Variants in SETD2 observed in about 807,000 individuals in gnomAD.
The protein encoded by SETD2 is SET domain containing 2, histone lysine methyltransferase.
A neutral mutation model predicts 242.1 loss-of-function variants in SETD2; 31 were observed. The ratio of observed to expected loss-of-function variants is 0.13; its 90% CI spans 0.10 to 0.17. The LOEUF is 0.17. SETD2 is among the 10% of genes least tolerant of loss of function. The pLI is 1.00. For missense variants in SETD2, 2,481 were observed against 3,046.3 expected (o/e 0.81, Z 4.37); for synonymous variants, 1,006 against 1,066.5 (o/e 0.94, Z 1.11).
At chr3:47,066,984 A>G (rs113283441) in intron 13 of SETD2, 86 bp downstream of exon 13, 2 of 977,436 alleles carry the variant, frequency 2.0e-6, no homozygotes. Context: ...CAAAAACAAA[A>G]ACGCTTAAGT....
chr3:47,101,597 AGT>A lies in SETD2; in HGVS notation c.4918-44_4918-43del, dbSNP rs61571386. ...AAACAAAAGAAATTAGTAACTTATT[AGT>A]GTGTGTGTGTGTGTGTGTGTGTGTG... On this transcript the variant is annotated intron_variant, in intron 7 of 20. Coordinates refer to ENST00000409792, the MANE Select transcript of SETD2 (RefSeq NM_014159.7). 103,010 of 720,254 alleles carry A rather than the reference AGT, an allele frequency of 0.14. 1,790 individuals are homozygous for A. Among genetic ancestry groups the A allele is most frequent in the African/African-American group, 0.17 (9,085 of 52,104 alleles). 44.6% of individuals were successfully genotyped at this position (720,254 alleles called of 1,614,324 possible). A position where few individuals can be genotyped will look rare whatever the true frequency, so the allele number is the denominator to read the frequency against.
At chr3:47,088,844 A>T (rs1419566190) in intron 9 of SETD2, among the ~76,000 whole-genome samples, 2 of 152,236 alleles carry the variant, frequency 1.3e-5, no homozygotes, top group Admixed American at 1.3e-4. Context: ...AATAAACTGT[A>T]GAGAAATTCT....
At chr3:47,072,594 G>T (rs898720590) in intron 12 of SETD2, among the ~76,000 whole-genome samples, 2 of 152,050 alleles carry the variant, frequency 1.3e-5, no homozygotes, top group African/African-American at 4.8e-5. Flanking sequence ...GCCAAGGCAG[G>T]CAGATCGCTT....
At chr3:47,103,252 A>T in intron 7 of SETD2, 94 bp downstream of exon 7, 1 of 788,536 alleles carries the variant, frequency 1.3e-6, no homozygotes, top group Non-Finnish European at 2.2e-6. Flanking sequence ...GGGACTAAAA[A>T]ATTCATGAGT....
At chr3:47,060,775 T>C (rs1164091237) in intron 14 of SETD2, among the ~76,000 whole-genome samples, 5 of 152,204 alleles carry the variant, frequency 3.3e-5, no homozygotes, top group Non-Finnish European at 5.9e-5. Flanking sequence ...AAATTCCATG[T>C]ATCAAAAGGT....
intron 15 of SETD2, among the ~76,000 whole-genome samples, chr3:47,050,248 CT>C (rs1433342288): frequency 6.6e-6 from 1 of 151,764 alleles, no homozygotes; most frequent in Non-Finnish European, 1.5e-5. Context: ...CACATGTACC[CT>C]GAAAATATGT....
chr3:47,116,156 TA>T (rs1302186997), intron 4 of SETD2, among the ~76,000 whole-genome samples: 2 of 150,146 alleles, frequency 1.3e-5, no homozygotes, highest in Admixed American at 6.7e-5. Context: ...TCTGTATACA[TA>T]AAAAGAGGAA....
At chr3:47,049,336 TATATATATA>T in intron 15 of SETD2, among the ~76,000 whole-genome samples, 1 of 124,096 alleles carries the variant, frequency 8.1e-6, no homozygotes, top group African/African-American at 3.9e-5. Flanking sequence ...TATATATATA[TATATATATA>T]TATGTATTCT....
intron 13 of SETD2, chr3:47,064,636 A>G: frequency 2.4e-6 from 1 of 420,930 alleles, no homozygotes; most frequent in South Asian, 1.8e-5. Context: ...ATTTCCTAAT[A>G]TTATAAAAAT....
intron 15 of SETD2, among the ~76,000 whole-genome samples, chr3:47,048,469 T>C (rs945640924): frequency 1.3e-5 from 2 of 152,260 alleles, no homozygotes; most frequent in Non-Finnish European, 1.5e-5. Context: ...TTGCTTTGAG[T>C]AAGTGAGTGG....
At chr3:47,091,685 C>T (rs999426129) in intron 9 of SETD2, among the ~76,000 whole-genome samples, 7 of 152,108 alleles carry the variant, frequency 4.6e-5, no homozygotes, top group African/African-American at 1.2e-4. Context: ...ATCACTTCAG[C>T]GCGGGAGGCG....
intron 5 of SETD2, among the ~76,000 whole-genome samples, chr3:47,109,862 T>C (rs1022239593): frequency 1.3e-5 from 2 of 151,838 alleles, no homozygotes; most frequent in African/African-American, 4.8e-5. Context: ...GGCGCACACC[T>C]GTAATCCCAG....
intron 18 of SETD2, among the ~76,000 whole-genome samples, chr3:47,027,435 T>C (rs1455572376): frequency 6.7e-6 from 1 of 150,334 alleles, no homozygotes; most frequent in Non-Finnish European, 1.5e-5. Flanking sequence ...GTGGGAGGGA[T>C]AGCATTAGGA....
chr3:47,031,470 T>C lies in SETD2; in HGVS notation c.7350+6196A>G, dbSNP rs568949343. On this transcript the variant is annotated intron_variant, in intron 18 of 20. Transcript: ENST00000409792. Reference sequence around the variant, plus strand: ...TTTAAAAAGTGGTAAGATAAATACCTTTCTTCAGACAAACAAAAGCTGACA... The same window carrying C: ...TTTAAAAAGTGGTAAGATAAATACCCTTCTTCAGACAAACAAAAGCTGACA... Among the ~76,000 whole-genome samples, 6 of 152,316 alleles carry C rather than the reference T, an allele frequency of 3.9e-5. No individual in the cohort carries two copies. In the South Asian group the frequency reaches 1.2e-3, roughly 32 times the overall value.
At chr3:47,049,372 T>C (rs1042922568) in intron 15 of SETD2, among the ~76,000 whole-genome samples, 6 of 60,814 alleles carry the variant, frequency 9.9e-5, no homozygotes, top group African/African-American at 3.5e-4. Context: ...TATAAACTTA[T>C]TCTTTTTTTT....
chr3:47,075,135 T>TAAA lies in SETD2; in HGVS notation c.6061-8020_6061-8018dup, dbSNP rs199630834. Among the ~76,000 whole-genome samples the TAAA allele has an allele frequency of 4.4e-3, 559 of 126,194 alleles. 5 individuals carry two copies. The highest frequency in any genetic ancestry group is 0.016 in the African/African-American group (532 of 33,894). The allele number at this position is 126,194 out of a possible 152,430, so 82.8% of individuals were successfully genotyped here. On this transcript the variant is annotated intron_variant, in intron 12 of 20. Coordinates refer to ENST00000409792, the MANE Select transcript of SETD2 (RefSeq NM_014159.7). ...GGCGACAGAGCGAGACTCCGTCTCT[T>TAAA]AAAAAAAAAAAAAAAAATCTCTGCA...
At chr3:47,059,802 T>A (rs2040256783) in intron 14 of SETD2, among the ~76,000 whole-genome samples, 1 of 151,784 alleles carries the variant, frequency 6.6e-6, no homozygotes, top group African/African-American at 2.4e-5. Context: ...TTATTTATTT[T>A]TTCAGACAGT....
intron 11 of SETD2, 114 bp downstream of exon 11, chr3:47,086,077 ATTAT>A (rs933118388): frequency 9.0e-7 from 1 of 1,117,272 alleles, no homozygotes; most frequent in African/African-American, 1.6e-5. Flanking sequence ...AAATTATTTG[ATTAT>A]TTAATACCAA....
chr3:47,084,502 G>C, intron 11 of SETD2, 120 bp from the exon 12 acceptor site: 1 of 656,824 alleles, frequency 1.5e-6, no homozygotes, highest in Non-Finnish European at 2.6e-6. Context: ...TTGGCTCACT[G>C]CAACCTCTGC....
Sources: gnomAD v4.1 joint callset for allele counts (sites outside exome capture counted in the v4.1 genomes callset) on GRCh38, gnomAD v4.1.1 for gene constraint, MANE v1.5 for transcripts, NCBI Gene and HGNC (gene_info 2026-07-23, HGNC 2026-07-21) for gene names.